SEC61A1: variants seen among roughly 807,000 people sequenced by gnomAD.
SEC61A1 encodes SEC61 translocon subunit alpha 1, also known as protein transport protein Sec61 subunit alpha isoform 1.
Under a neutral mutation model 55.2 loss-of-function variants are expected in SEC61A1, and 15 were observed. That is an observed-to-expected ratio of 0.27 (90% CI 0.18 to 0.42). The LOEUF is 0.42. Ranked by LOEUF, SEC61A1 falls within the 10% of genes least tolerant of loss-of-function variation. The pLI is 1.00. For missense variants in SEC61A1, 284 were observed against 602.6 expected (o/e 0.47, Z 5.53); for synonymous variants, 247 against 234.0 (o/e 1.06, Z -0.51).
chr3:128,059,117 G>GGAACT (rs1206762313), intron 5 of SEC61A1, among the ~76,000 whole-genome samples: 1 of 152,164 alleles, frequency 6.6e-6, no homozygotes, highest in Non-Finnish European at 1.5e-5. Context: ...CTTGTCAAAT[G>GGAACT]TGTCCATTCC....
Position 128,066,957 on chromosome 3 carries a change from T to C in SEC61A1, c.781T>C (p.Phe261Leu). Reference sequence around the variant, plus strand: ...TTGGTTCTGTTTGGCTTCTCAGGGCTTCCGAGTGGACCTGCCAATCAAGTC... The same window carrying C: ...TTGGTTCTGTTTGGCTTCTCAGGGCCTCCGAGTGGACCTGCCAATCAAGTC... Reference protein sequence around the residue: ...VFAVVIYFQGFRVDLPIKSAR... With the variant: ...VFAVVIYFQGLRVDLPIKSAR... The change falls in exon 9 of 12, where the codon TTC (phenylalanine) becomes CTC (leucine). Residue 261 changes from phenylalanine to leucine, a missense_variant. Transcript: ENST00000243253. The C allele has an allele frequency of 6.2e-7, 1 of 1,614,186 alleles. No homozygotes were observed. The highest frequency in any genetic ancestry group is 8.5e-7 in the Non-Finnish European group (1 of 1,180,028).
chr3:128,061,491 T>C (rs1216844128), intron 7 of SEC61A1, among the ~76,000 whole-genome samples: 1 of 152,220 alleles, frequency 6.6e-6, no homozygotes, highest in Non-Finnish European at 1.5e-5. Context: ...ATTTGAGAGT[T>C]TTCTTTTAAT....
At position 128,067,437 on chromosome 3, in the gene SEC61A1, G is replaced by T. The variant is rs1942014699; in HGVS notation, c.992G>T (p.Gly331Val). The T allele has an allele frequency of 3.7e-6, 6 of 1,612,776 alleles. No individual in the cohort carries two copies. The highest frequency in any genetic ancestry group is 5.1e-6 in the Non-Finnish European group (6 of 1,179,704). Reference protein sequence around the residue: ...LGTWSDTSSGGPARAYPVGGL... With the variant: ...LGTWSDTSSGVPARAYPVGGL... ...CTTCCCCAGGACACGTCTTCTGGGG[G>T]CCCAGCACGTGCTTATCCAGTTGGT... The change falls in exon 10 of 12, where the codon GGC becomes GTC. Residue 331 changes from glycine to valine, a missense_variant. Coordinates refer to ENST00000243253, the MANE Select transcript of SEC61A1 (RefSeq NM_013336.4). This position sits in a 1 kb window ranked among gnomAD's most constrained non-coding sequence, Gnocchi z 4.1.
Position 128,070,638 on chromosome 3 carries a change from G to C in SEC61A1, c.*976G>C, listed in dbSNP as rs1170458982. 2.6e-5 allele frequency: 4 copies of C among 152,284 alleles called. No individual in the cohort carries two copies. Among genetic ancestry groups the C allele is most frequent in the Non-Finnish European group, 4.4e-5 (3 of 68,086 alleles). The allele number at this position is 152,284 out of a possible 1,614,324, so 9.4% of individuals were successfully genotyped here. On this transcript the variant is annotated 3_prime_UTR_variant, in exon 12 of 12. Coordinates refer to ENST00000243253, the MANE Select transcript of SEC61A1 (RefSeq NM_013336.4). ...TGTGCTTAGGACTGCACGCAAGTGA[G>C]CAGACACCACCGACTTCCTTTCTGC...
At chr3:128,063,793 C>T (rs755924011) in intron 7 of SEC61A1, among the ~76,000 whole-genome samples, 2 of 152,158 alleles carry the variant, frequency 1.3e-5, no homozygotes, top group Admixed American at 6.5e-5. Context: ...TGTCCTGGAA[C>T]GGCAGAGGTT....
intron 8 of SEC61A1, among the ~76,000 whole-genome samples, chr3:128,065,414 G>A (rs1033151268): frequency 6.6e-5 from 10 of 152,062 alleles, no homozygotes; most frequent in Non-Finnish European, 1.2e-4. Flanking sequence ...TCTGCATCTC[G>A]GAAACGGCCT....
In SEC61A1 at chr3:128,052,829, T is replaced by C; in HGVS notation, c.8-6T>C. 1.9e-6 allele frequency: 3 copies of C among 1,613,030 alleles called. No individual in the cohort carries two copies. Among genetic ancestry groups the C allele is most frequent in the Non-Finnish European group, 2.5e-6 (3 of 1,179,222 alleles). ...AACTCTTCCTGTTTTGTTTCTCCCA[T>C]CAAAGTCAAATTTCTGGAAGTCATC... On this transcript the variant is annotated splice_polypyrimidine_tract_variant and splice_region_variant and intron_variant, in intron 1 of 11. Coordinates refer to ENST00000243253, the MANE Select transcript of SEC61A1 (RefSeq NM_013336.4).
At chr3:128,066,393 G>T (rs1941978841) in intron 8 of SEC61A1, among the ~76,000 whole-genome samples, 1 of 152,038 alleles carries the variant, frequency 6.6e-6, no homozygotes, top group African/African-American at 2.4e-5. Context: ...AAAAAAAGTG[G>T]GGGTGGGGAT....
chr3:128,052,372 G>T, upstream of SEC61A1: 1 of 1,066,078 alleles, frequency 9.4e-7, no homozygotes. Flanking sequence ...AAGCGGAAGC[G>T]ATCCGAGGCC....
intron 8 of SEC61A1, 37 bp downstream of exon 8, chr3:128,065,074 C>T: frequency 6.2e-7 from 1 of 1,608,858 alleles, no homozygotes; most frequent in Non-Finnish European, 8.5e-7. Context: ...TTTCCATGGT[C>T]TGGATTTAAG....
chr3:128,052,467 T>G lies in SEC61A1; in HGVS notation c.-86T>G. The stretch of plus-strand genomic sequence containing the variant: ...GTCTCTCGGCGGAGCTGCTGTGCAG[T>G]GGAACGCGCTGGGCCGCGGGCAGCG... On this transcript the variant is annotated 5_prime_UTR_variant, in exon 1 of 12. Coordinates refer to ENST00000243253, the MANE Select transcript of SEC61A1 (RefSeq NM_013336.4). 1 of 1,531,586 alleles carries G rather than the reference T, an allele frequency of 6.5e-7. No homozygotes were observed. The highest frequency in any genetic ancestry group is 8.8e-7 in the Non-Finnish European group (1 of 1,139,654). 94.9% of individuals were successfully genotyped at this position (1,531,586 alleles called of 1,614,324 possible). A position where few individuals can be genotyped will look rare whatever the true frequency, so the allele number is the denominator to read the frequency against.
chr3:128,060,048 C>G, intron 5 of SEC61A1, 54 bp from the exon 6 acceptor site: 1 of 1,311,746 alleles, frequency 7.6e-7, no homozygotes, highest in Non-Finnish European at 1.1e-6. Context: ...TTAATTGTTT[C>G]TTTTGTTCTG....
intron 11 of SEC61A1, 67 bp from the exon 12 acceptor site, chr3:128,069,409 C>A: frequency 6.7e-7 from 1 of 1,485,910 alleles, no homozygotes; most frequent in Non-Finnish European, 9.2e-7. Context: ...TCAGGTGAGC[C>A]TGTTGGCCGC....
chr3:128,057,668 G>A (rs537858347), intron 5 of SEC61A1, among the ~76,000 whole-genome samples: 1 of 148,482 alleles, frequency 6.7e-6, no homozygotes, highest in East Asian at 2.0e-4. Flanking sequence ...GACCAACCTG[G>A]CCAACATGGT....
At chr3:128,055,402 G>A (rs1941756460) in intron 2 of SEC61A1, 114 bp from the exon 3 acceptor site, 2 of 842,090 alleles carry the variant, frequency 2.4e-6, no homozygotes, top group East Asian at 2.4e-5. Context: ...GCTGAACAGA[G>A]AAAAGAGTCT....
At chr3:128,064,566 CAGG>C (rs1197167523) in intron 7 of SEC61A1, among the ~76,000 whole-genome samples, 1 of 152,222 alleles carries the variant, frequency 6.6e-6, no homozygotes, top group African/African-American at 2.4e-5. Context: ...CACTTGAGCC[CAGG>C]AGGAGAAGGT....
rs1942165550 is a variant in SEC61A1 at position 128,071,463 on chromosome 3, T to TGGAAGGCACCAGGCCTCA, written c.*1805_*1822dup. ...GTACCCAAGCTGGTGGGCAGGGGGCTGGAAGGCACCAGGCCTCAGGAGGAG... is the reference window on the plus strand; with the variant it reads ...GTACCCAAGCTGGTGGGCAGGGGGCTGGAAGGCACCAGGCCTCAGGAAGGCACCAGGCCTCAGGAGGAG... On this transcript the variant is annotated 3_prime_UTR_variant, in exon 12 of 12. Coordinates refer to ENST00000243253, the MANE Select transcript of SEC61A1 (RefSeq NM_013336.4). 6.5e-6 allele frequency: 1 copy of TGGAAGGCACCAGGCCTCA among 152,682 alleles called. No individual in the cohort carries two copies. Among genetic ancestry groups the TGGAAGGCACCAGGCCTCA allele is most frequent in the African/African-American group, 2.4e-5 (1 of 41,472 alleles). 9.5% of individuals were successfully genotyped at this position (152,682 alleles called of 1,614,324 possible).
rs751273660 is a variant in SEC61A1 at position 128,069,986 on chromosome 3, C to T, written c.*324C>T. 3 of 196,442 alleles carry T rather than the reference C, an allele frequency of 1.5e-5. No homozygotes were observed. Among genetic ancestry groups the T allele is most frequent in the Admixed American group, 5.9e-5 (1 of 17,006 alleles). 12.2% of individuals were successfully genotyped at this position (196,442 alleles called of 1,614,324 possible). A position where few individuals can be genotyped will look rare whatever the true frequency, so the allele number is the denominator to read the frequency against. The stretch of plus-strand genomic sequence containing the variant: ...TCTCAGTGCTGTATGCGGCTGCAGC[C>T]GTCTCACCTGTTTCCCCACAAAGGG... On this transcript the variant is annotated 3_prime_UTR_variant, in exon 12 of 12. Coordinates refer to ENST00000243253, the MANE Select transcript of SEC61A1 (RefSeq NM_013336.4).
chr3:128,061,715 T>C (rs1223338997), intron 7 of SEC61A1, among the ~76,000 whole-genome samples: 2 of 152,114 alleles, frequency 1.3e-5, no homozygotes, highest in Admixed American at 6.5e-5. Flanking sequence ...CCAAGGTAAA[T>C]TGGGAGAAGC....
Sources: gnomAD v4.1 joint callset for allele counts (sites outside exome capture counted in the v4.1 genomes callset) on GRCh38, gnomAD v4.1.1 for gene constraint, Gnocchi (gnomAD v3.1) non-coding constraint, MANE v1.5 for transcripts, NCBI Gene and HGNC (gene_info 2026-07-23, HGNC 2026-07-21) for gene names.